PLEKHA7: variants seen among roughly 807,000 people sequenced by gnomAD.
PLEKHA7 encodes the protein pleckstrin homology domain containing A7, also known as pleckstrin homology domain-containing family A member 7.
A neutral mutation model predicts 170.0 loss-of-function variants in PLEKHA7; 104 were observed. The observed-to-expected ratio is 0.61, with a 90% CI of 0.52 to 0.72. The LOEUF is 0.72. PLEKHA7 is among the 30% of genes least tolerant of loss of function. PLEKHA7 has a pLI of 0.00. For synonymous variants in PLEKHA7, 648 were observed against 660.8 expected, an observed-to-expected ratio of 0.98 and a Z score of 0.30; for missense variants, 1,615 against 1,671.7, an observed-to-expected ratio of 0.97 and a Z score of 0.59.
chr11:16,864,352 A>G lies in PLEKHA7; in HGVS notation c.305+6747T>C, dbSNP rs547948343. On this transcript the variant is annotated intron_variant, in intron 4 of 26. Coordinates refer to ENST00000531066, the MANE Select transcript of PLEKHA7 (RefSeq NM_001329630.2). The stretch of plus-strand genomic sequence containing the variant: ...AGGGTGCTAAGTGTTAGCTATAAAA[A>G]TAATAATAATACTAGCAATACTATT... Among the ~76,000 whole-genome samples the G allele has an allele frequency of 3.4e-3, 518 of 152,332 alleles. 4 individuals carry two copies. Among genetic ancestry groups the G allele is most frequent in the African/African-American group, 0.012 (493 of 41,564 alleles).
intron 3 of PLEKHA7, among the ~76,000 whole-genome samples, chr11:16,984,731 C>T (rs1863628752): frequency 6.6e-6 from 1 of 152,194 alleles, no homozygotes; most frequent in Non-Finnish European, 1.5e-5. Context: ...AATACGTAAG[C>T]TCCATGAGGG....
intron 3 of PLEKHA7, among the ~76,000 whole-genome samples, chr11:16,883,670 G>A (rs74793966): frequency 0.029 from 4,439 of 152,138 alleles, 97 homozygotes; most frequent in South Asian, 0.11. Flanking sequence ...CTTCCAAGTA[G>A]CCCTTCCTAA....
intron 4 of PLEKHA7, among the ~76,000 whole-genome samples, chr11:16,861,574 G>C (rs1324884236): frequency 2.6e-5 from 4 of 152,074 alleles, no homozygotes; most frequent in Non-Finnish European, 5.9e-5. Context: ...GCTTGAACCT[G>C]GGAGGCAGAG....
At chr11:16,925,211 GCT>G (rs1386129562) in intron 3 of PLEKHA7, among the ~76,000 whole-genome samples, 1 of 152,212 alleles carries the variant, frequency 6.6e-6, no homozygotes, top group African/African-American at 2.4e-5. Flanking sequence ...GGGAAGCGGC[GCT>G]CTCTGCTGCT....
At chr11:16,808,851 A>G (rs1488280420) in intron 13 of PLEKHA7, among the ~76,000 whole-genome samples, 4 of 152,188 alleles carry the variant, frequency 2.6e-5, no homozygotes, top group Non-Finnish European at 5.9e-5. Context: ...AACGAACACG[A>G]CTTTAGAGTG....
chr11:16,893,391 TACCTCATCTATA>T (rs1856800931), intron 3 of PLEKHA7, among the ~76,000 whole-genome samples: 1 of 152,200 alleles, frequency 6.6e-6, no homozygotes, highest in South Asian at 2.1e-4. Flanking sequence ...GGGCCTCATT[TACCTCATCTATA>T]AAATGGGAAA....
At chr11:17,005,948 G>A (rs999198290) in intron 3 of PLEKHA7, among the ~76,000 whole-genome samples, 1 of 152,132 alleles carries the variant, frequency 6.6e-6, no homozygotes, top group African/African-American at 2.4e-5. Flanking sequence ...TCAATGAGGG[G>A]GTTCAGAATT....
chr11:16,898,491 TTA>T (rs1302173577), intron 3 of PLEKHA7, among the ~76,000 whole-genome samples: 2 of 152,204 alleles, frequency 1.3e-5, no homozygotes, highest in Non-Finnish European at 2.9e-5. Flanking sequence ...TCTCTGAGAT[TTA>T]GTTTCCTTAT....
intron 3 of PLEKHA7, among the ~76,000 whole-genome samples, chr11:16,906,018 G>A (rs1174493041): frequency 6.6e-6 from 1 of 152,156 alleles, no homozygotes; most frequent in Non-Finnish European, 1.5e-5. Context: ...TCTCGGCACT[G>A]CTGAGGGCAG....
intron 3 of PLEKHA7, among the ~76,000 whole-genome samples, chr11:16,979,824 A>G (rs944207322): frequency 1.2e-4 from 19 of 152,210 alleles, no homozygotes; most frequent in African/African-American, 4.1e-4. Context: ...TCATTTGGCT[A>G]TCTAGTGACT....
intron 10 of PLEKHA7, among the ~76,000 whole-genome samples, chr11:16,822,881 A>G (rs1185485727): frequency 6.6e-6 from 1 of 152,214 alleles, no homozygotes; most frequent in Admixed American, 6.5e-5. Flanking sequence ...CCAAGGCCTC[A>G]CCAAATGTTA....
intron 3 of PLEKHA7, among the ~76,000 whole-genome samples, chr11:16,912,661 T>G (rs1858338823): frequency 6.6e-6 from 1 of 151,808 alleles, no homozygotes; most frequent in Non-Finnish European, 1.5e-5. Flanking sequence ...GCTGGGAGCA[T>G]CAAGCAGTTA....
At chr11:16,858,049 C>T (rs1853616869) in intron 4 of PLEKHA7, among the ~76,000 whole-genome samples, 1 of 152,158 alleles carries the variant, frequency 6.6e-6, no homozygotes, top group Admixed American at 6.5e-5. Flanking sequence ...GTAATTTATT[C>T]CCACTTAAGA....
intron 26 of PLEKHA7, among the ~76,000 whole-genome samples, chr11:16,780,698 T>C (rs1848957615): frequency 6.6e-6 from 1 of 152,200 alleles, no homozygotes; most frequent in Non-Finnish European, 1.5e-5. Flanking sequence ...AGAGATTTCA[T>C]GGAGGCAGCA....
intron 3 of PLEKHA7, among the ~76,000 whole-genome samples, chr11:16,990,716 T>C (rs1202519175): frequency 6.6e-6 from 1 of 152,248 alleles, no homozygotes; most frequent in Non-Finnish European, 1.5e-5. Flanking sequence ...ATACTCGTAC[T>C]ACCTAAGCAC....
intron 23 of PLEKHA7, chr11:16,787,254 C>G: frequency 1.0e-6 from 1 of 984,808 alleles, no homozygotes; most frequent in Non-Finnish European, 1.2e-6. Context: ...AAAACCAAAG[C>G]AGATGCTTAT....
At chr11:16,846,100 C>T (rs570299960) in intron 8 of PLEKHA7, among the ~76,000 whole-genome samples, 19 of 152,180 alleles carry the variant, frequency 1.2e-4, no homozygotes, top group African/African-American at 4.1e-4. Flanking sequence ...GCCTGGCCAA[C>T]ATGGTGAAAC....
At chr11:16,884,159 C>T (rs1460615125) in intron 3 of PLEKHA7, among the ~76,000 whole-genome samples, 1 of 152,120 alleles carries the variant, frequency 6.6e-6, no homozygotes, top group Non-Finnish European at 1.5e-5. Context: ...ACTCCCACAC[C>T]ACTCCAGTCC....
intron 3 of PLEKHA7, among the ~76,000 whole-genome samples, chr11:16,995,018 A>T (rs1166686416): frequency 6.6e-6 from 1 of 152,218 alleles, no homozygotes; most frequent in African/African-American, 2.4e-5. Context: ...TCATGGAGCT[A>T]ATATTCCAGT....
Sources: gnomAD v4.1 joint callset for allele counts (sites outside exome capture counted in the v4.1 genomes callset) on GRCh38, gnomAD v4.1.1 for gene constraint, MANE v1.5 for transcripts, NCBI Gene and HGNC (gene_info 2026-07-23, HGNC 2026-07-21) for gene names.